NTSR1: variants seen among roughly 807,000 people sequenced by gnomAD.
NTSR1 encodes the protein neurotensin receptor 1, also known as neurotensin receptor type 1.
Under a neutral mutation model 31.2 loss-of-function variants are expected in NTSR1, and 29 were observed. That is an observed-to-expected ratio of 0.93 (90% confidence interval 0.69 to 1.27). The LOEUF is 1.27. Ranked by LOEUF, NTSR1 falls within the 50% of genes most tolerant of loss-of-function variation. The pLI is 0.00. For synonymous variants in NTSR1, 282 were observed against 269.9 expected (o/e 1.04, Z -0.44); for missense variants, 697 against 595.4 (o/e 1.17, Z -1.78).
At chr20:62,712,692 C>T (rs1002530416) in intron 1 of NTSR1, among the ~76,000 whole-genome samples, 2 of 152,198 alleles carry the variant, frequency 1.3e-5, no homozygotes, top group African/African-American at 2.4e-5. Context: ...CAGGGACCTA[C>T]GGGTGCCCCT....
intron 1 of NTSR1, among the ~76,000 whole-genome samples, chr20:62,722,837 A>G (rs1489779851): frequency 2.0e-5 from 3 of 152,238 alleles, no homozygotes; most frequent in Non-Finnish European, 4.4e-5. Flanking sequence ...CCCTGGCGAA[A>G]GTCATCCGTA....
At chr20:62,740,479 T>G (rs1368364206) in intron 1 of NTSR1, among the ~76,000 whole-genome samples, 1 of 151,700 alleles carries the variant, frequency 6.6e-6, no homozygotes, top group Non-Finnish European at 1.5e-5. Flanking sequence ...GGGAAAAGGG[T>G]TGTGGGGCTC....
intron 1 of NTSR1, among the ~76,000 whole-genome samples, chr20:62,737,941 C>T (rs1989127933): frequency 2.2e-5 from 3 of 133,568 alleles, no homozygotes; most frequent in South Asian, 4.4e-4. Context: ...AGCCCTGCAG[C>T]CTCTGCGTAA....
chr20:62,732,375 G>A lies in NTSR1; in HGVS notation c.715-22310G>A, dbSNP rs1600725464. 6.6e-6 allele frequency among the ~76,000 whole-genome samples: 1 copy of A among 152,312 alleles called. No individual in the cohort carries two copies. The highest frequency in any genetic ancestry group is 1.9e-4 in the East Asian group (1 of 5,190). Reference sequence around the variant, plus strand: ...CCCTTGTATTCCTGGCTTGTGAAAGGTTTTTCTCACAGATGGGTGTTGGGT... The same window carrying A: ...CCCTTGTATTCCTGGCTTGTGAAAGATTTTTCTCACAGATGGGTGTTGGGT... On this transcript the variant is annotated intron_variant, in intron 1 of 3. Transcript: ENST00000370501. This position sits in a 1 kb window ranked among gnomAD's most constrained non-coding sequence, Gnocchi z 4.0.
chr20:62,737,114 TCA>T (rs1229607139), intron 1 of NTSR1, among the ~76,000 whole-genome samples: 18 of 152,240 alleles, frequency 1.2e-4, no homozygotes, highest in Non-Finnish European at 2.1e-4. Context: ...GAAAATGGAC[TCA>T]CACACTTGGC....
chr20:62,751,065 T>C (rs1026919786), intron 1 of NTSR1, among the ~76,000 whole-genome samples: 11 of 152,024 alleles, frequency 7.2e-5, no homozygotes, highest in Non-Finnish European at 1.6e-4. Flanking sequence ...TTTGTAGAGA[T>C]GGGGTCTCAC....
At chr20:62,759,639 TG>T (rs902032547) in intron 3 of NTSR1, among the ~76,000 whole-genome samples, 1 of 151,490 alleles carries the variant, frequency 6.6e-6, no homozygotes, top group Non-Finnish European at 1.5e-5. Flanking sequence ...CCGGGCGTGG[TG>T]GGGGGGTCCC....
intron 1 of NTSR1, among the ~76,000 whole-genome samples, chr20:62,724,106 A>G (rs976296630): frequency 6.6e-6 from 1 of 152,182 alleles, no homozygotes; most frequent in African/African-American, 2.4e-5. Flanking sequence ...AGGGTCCAAG[A>G]TTCTGCCCCG....
chr20:62,751,422 C>A (rs1252009729), intron 1 of NTSR1, among the ~76,000 whole-genome samples: 4 of 152,214 alleles, frequency 2.6e-5, no homozygotes, highest in African/African-American at 9.7e-5. Flanking sequence ...TTATTTCACT[C>A]AAGACACACT....
intron 1 of NTSR1, among the ~76,000 whole-genome samples, chr20:62,717,862 A>G (rs1988760144): frequency 6.6e-6 from 1 of 152,258 alleles, no homozygotes; most frequent in Non-Finnish European, 1.5e-5. Flanking sequence ...GAGAAGACAG[A>G]AAATAAGCGA....
chr20:62,760,459 C>A lies in NTSR1; in HGVS notation c.*192C>A. ...TCATTAGTGTCTCCCGGGCCTGTCC[C>A]CAACTCCTCCCCACCCCTCCCCCAT... On this transcript the variant is annotated 3_prime_UTR_variant, in exon 4 of 4. Transcript: ENST00000370501. 1 of 551,160 alleles carries A rather than the reference C, an allele frequency of 1.8e-6. No individual in the cohort carries two copies. The highest frequency in any genetic ancestry group is 3.1e-6 in the Non-Finnish European group (1 of 317,588). 34.1% of individuals were successfully genotyped at this position (551,160 alleles called of 1,614,324 possible).
chr20:62,709,239 C>G lies in NTSR1; in HGVS notation c.32C>G (p.Pro11Arg), dbSNP rs1470757486. ...CTCAACAGCTCCGCGCCGGGAACCC[C>G]GGGCACGCCGGCCGCCGACCCCTTC... MRLNSSAPGT[P>R]GTPAADPFQR... Residue 11 changes from proline (P) to arginine (R), a missense_variant, in exon 1 of 4, where the codon CCG becomes CGG. By Grantham distance (103) the Pro-to-Arg change is moderately radical. Coordinates refer to ENST00000370501, the MANE Select transcript of NTSR1 (RefSeq NM_002531.3). 1.3e-6 allele frequency: 2 copies of G among 1,502,536 alleles called. No homozygotes were observed. The highest frequency in any genetic ancestry group is 2.5e-5 in the East Asian group (1 of 39,910). 93.1% of individuals were successfully genotyped at this position (1,502,536 alleles called of 1,614,324 possible).
rs1187271092 is a variant in NTSR1 at position 62,744,142 on chromosome 20, A to G, written c.715-10543A>G. Among the ~76,000 whole-genome samples the G allele has an allele frequency of 1.3e-5, 2 of 152,066 alleles. No individual in the cohort carries two copies. The highest frequency in any genetic ancestry group is 2.9e-5 in the Non-Finnish European group (2 of 67,984). On this transcript the variant is annotated intron_variant, in intron 1 of 3. Transcript: ENST00000370501. The surrounding 1 kb of genome is among the most constrained non-coding windows in gnomAD (Gnocchi z 4.1). ...ACCAGCCGTCGCCCCAGCGTGTCCC[A>G]TCCCAGCCTCCCAAGCCGCAGTCCT... is the stretch of plus-strand genomic sequence containing the variant.
chr20:62,728,985 C>T (rs533703571), intron 1 of NTSR1, among the ~76,000 whole-genome samples: 58 of 152,356 alleles, frequency 3.8e-4, no homozygotes, highest in African/African-American at 1.2e-3. Flanking sequence ...CCAGCCCTTC[C>T]GGCGACACTC....
rs1019936039 is a variant in NTSR1, at chr20:62,760,089, A to G, written c.1079A>G (p.Asn360Ser). The G allele has an allele frequency of 1.1e-5, 17 of 1,613,952 alleles. No homozygotes were observed. The highest frequency in any genetic ancestry group is 1.4e-5 in the Non-Finnish European group (16 of 1,179,972). Residue 360 changes from asparagine to serine, a missense_variant, in exon 4 of 4, where the codon AAC becomes AGC. Coordinates refer to ENST00000370501, the MANE Select transcript of NTSR1 (RefSeq NM_002531.3). Reference sequence around the variant, plus strand: ...CTCTTCTACGTCAGCTCCACCATCAACCCCATCCTGTACAACCTCGTCTCT... The same window carrying G: ...CTCTTCTACGTCAGCTCCACCATCAGCCCCATCCTGTACAACCTCGTCTCT... ...NALFYVSSTI[N>S]PILYNLVSAN...
intron 1 of NTSR1, among the ~76,000 whole-genome samples, chr20:62,723,432 G>A (rs1202168684): frequency 6.6e-6 from 1 of 152,214 alleles, no homozygotes; most frequent in African/African-American, 2.4e-5. Context: ...CGTCCGGAAT[G>A]TGCTGGTCAG....
At position 62,754,813 on chromosome 20, in the gene NTSR1, C is replaced by T. The variant is rs776173818; in HGVS notation, c.843C>T (p.Gly281=). ...AEQGQVCTVG[G]EHSTFSMAIE... ...AGGGCCAAGTGTGCACGGTCGGGGG[C>T]GAGCACAGCACATTCAGCATGGCCA... The change falls in exon 2 of 4, where the codon GGC becomes GGT. Residue 281 remains glycine, a synonymous_variant. Coordinates refer to ENST00000370501, the MANE Select transcript of NTSR1 (RefSeq NM_002531.3). 49 of 1,610,086 alleles carry T rather than the reference C, an allele frequency of 3.0e-5. No individual in the cohort carries two copies. Among genetic ancestry groups the T allele is most frequent in the Non-Finnish European group, 3.8e-5 (45 of 1,179,728 alleles).
In NTSR1 at chr20:62,732,203, C is replaced by A. The variant is rs1989012128; in HGVS notation, c.714+22282C>A. Among the ~76,000 whole-genome samples, 1 of 151,972 alleles carries A rather than the reference C, an allele frequency of 6.6e-6. No homozygotes were observed. Among genetic ancestry groups the A allele is most frequent in the Admixed American group, 6.5e-5 (1 of 15,272 alleles). On this transcript the variant is annotated intron_variant, in intron 1 of 3. Transcript: ENST00000370501. This position sits in a 1 kb window ranked among gnomAD's most constrained non-coding sequence, Gnocchi z 4.0. ...ATCGGTAGTGTCCATCCTGTGAACTCACAGTATGACGTTAAATAGGAGTGA... is the reference window on the plus strand; with the variant it reads ...ATCGGTAGTGTCCATCCTGTGAACTAACAGTATGACGTTAAATAGGAGTGA...
intron 1 of NTSR1, among the ~76,000 whole-genome samples, chr20:62,720,887 C>A (rs1022682767): frequency 6.6e-6 from 1 of 151,982 alleles, no homozygotes; most frequent in Non-Finnish European, 1.5e-5. Context: ...CCTCTTTAAC[C>A]TTTGTGTTAT....
Sources: allele counts gnomAD v4.1 joint callset (sites outside exome capture counted in the v4.1 genomes callset), GRCh38; gene constraint gnomAD v4.1.1; non-coding constraint Gnocchi (gnomAD v3.1); transcripts MANE v1.5; gene names NCBI Gene and HGNC (gene_info 2026-07-23, HGNC 2026-07-21).